Variants in UBE3D observed in about 807,000 individuals in gnomAD.
UBE3D encodes ubiquitin protein ligase E3D.
UBE3D carries 48 observed loss-of-function variants against 49.6 expected under a neutral mutation model. That is an observed-to-expected ratio of 0.97 (90% CI 0.77 to 1.23). The LOEUF is 1.23. Ranked by LOEUF, UBE3D falls within the 50% of genes most tolerant of loss-of-function variation. The pLI, the probability that UBE3D is intolerant of heterozygous loss-of-function variation, is 0.00. For synonymous variants in UBE3D, 189 were observed against 174.2 expected, an observed-to-expected ratio of 1.08 and a Z score of -0.67; for missense variants, 452 against 468.4, an observed-to-expected ratio of 0.96 and a Z score of 0.32.
chr6:82,893,535 G>T (rs1272874281), intron 9 of UBE3D, among the ~76,000 whole-genome samples: 1 of 152,106 alleles, frequency 6.6e-6, no homozygotes. Context: ...ACAGTCTTAC[G>T]AACAAACTAT....
chr6:83,038,611 G>A, intron 4 of UBE3D, 126 bp from the exon 5 acceptor site: 1 of 784,216 alleles, frequency 1.3e-6, no homozygotes. Context: ...CTAAATACTG[G>A]GAATACATTT....
intron 8 of UBE3D, chr6:83,017,710 C>T (rs187674648): frequency 3.3e-5 from 5 of 152,070 alleles, no homozygotes; most frequent in East Asian, 1.9e-4. Flanking sequence ...TTGATATTAC[C>T]TCTCAAAATT....
At chr6:82,963,197 T>TC (rs1776676806) in intron 8 of UBE3D, among the ~76,000 whole-genome samples, 1 of 151,000 alleles carries the variant, frequency 6.6e-6, no homozygotes, top group Non-Finnish European at 1.5e-5. Flanking sequence ...CATCTTTTTT[T>TC]TTTTTTTTTT....
At chr6:82,958,642 C>A (rs1340758505) in intron 8 of UBE3D, among the ~76,000 whole-genome samples, 2 of 152,170 alleles carry the variant, frequency 1.3e-5, no homozygotes, top group Admixed American at 6.5e-5. Flanking sequence ...TACTGGCCAA[C>A]TAGTTGGACT....
chr6:82,907,915 C>A (rs972577307), intron 9 of UBE3D, among the ~76,000 whole-genome samples: 1 of 152,220 alleles, frequency 6.6e-6, no homozygotes, highest in South Asian at 2.1e-4. Context: ...TTCAAAACAG[C>A]CCCCAATAGG....
Position 82,893,021 on chromosome 6 carries a change from G to T in UBE3D, c.*1C>A. ...GGGAGGAGAATGCCCAGCTCTAATA[G>T]TTACATCTTCAAAAAGGCCACCTGG... On this transcript the variant is annotated 3_prime_UTR_variant, in exon 10 of 10. Coordinates refer to ENST00000369747, the MANE Select transcript of UBE3D (RefSeq NM_198920.3). The T allele has an allele frequency of 1.2e-6, 2 of 1,613,652 alleles. No homozygotes were observed. Among genetic ancestry groups the T allele is most frequent in the Non-Finnish European group, 1.7e-6 (2 of 1,179,820 alleles).
At chr6:83,051,647 T>C (rs1783477471) in intron 3 of UBE3D, among the ~76,000 whole-genome samples, 1 of 152,182 alleles carries the variant, frequency 6.6e-6, no homozygotes, top group South Asian at 2.1e-4. Flanking sequence ...AGGAAAACAC[T>C]CTTGGTTCAA....
chr6:82,965,583 C>CAAAAAAA (rs35257086), intron 8 of UBE3D, among the ~76,000 whole-genome samples: 4 of 86,350 alleles, frequency 4.6e-5, no homozygotes, highest in Admixed American at 1.3e-4. Flanking sequence ...AACTCCATCT[C>CAAAAAAA]AAAAAAAAAA....
At chr6:82,886,816 T>C in the UBE3D span, among the ~76,000 whole-genome samples, 3 of 152,230 alleles carry the variant, frequency 2.0e-5, no homozygotes, top group East Asian at 5.8e-4. Context: ...GCTTGGCCAC[T>C]ATTTCGTTTC....
intron 9 of UBE3D, among the ~76,000 whole-genome samples, chr6:82,953,298 C>T (rs1307783645): frequency 6.6e-6 from 1 of 152,220 alleles, no homozygotes; most frequent in Non-Finnish European, 1.5e-5. Flanking sequence ...CAGAGAGTCC[C>T]ATCCTATATA....
intron 9 of UBE3D, among the ~76,000 whole-genome samples, chr6:82,925,804 CAATA>C (rs1773705658): frequency 6.6e-6 from 1 of 152,000 alleles, no homozygotes; most frequent in Admixed American, 6.6e-5. Flanking sequence ...TGAGGATTAA[CAATA>C]AATACCCCAC....
intron 5 of UBE3D, among the ~76,000 whole-genome samples, chr6:83,033,312 T>C (rs552709331): frequency 5.3e-5 from 8 of 152,304 alleles, no homozygotes; most frequent in African/African-American, 1.4e-4. Context: ...AAATTGGAGA[T>C]TACATTTTAT....
chr6:83,021,348 G>A (rs1283260199), intron 7 of UBE3D, among the ~76,000 whole-genome samples: 1 of 152,114 alleles, frequency 6.6e-6, no homozygotes, highest in Non-Finnish European at 1.5e-5. Flanking sequence ...GGCTGAGGTG[G>A]GAGGATCACT....
chr6:82,970,366 T>C (rs996209349), intron 8 of UBE3D, among the ~76,000 whole-genome samples: 2 of 151,982 alleles, frequency 1.3e-5, no homozygotes, highest in South Asian at 2.1e-4. Flanking sequence ...AAAAATTGTA[T>C]TGCTAATAAA....
downstream of UBE3D, among the ~76,000 whole-genome samples, chr6:82,891,204 G>T (rs1770972511): frequency 6.6e-6 from 1 of 152,188 alleles, no homozygotes; most frequent in Admixed American, 6.5e-5. Context: ...TTCTCAGCTG[G>T]AATTAATTTT....
Position 83,044,311 on chromosome 6 carries a change from A to T in UBE3D, c.597+117T>A, listed in dbSNP as rs1782873020. ...AACGATAGCGATGACAGTTGAAAAT[A>T]ATGAATTTTGGCCTTTACAGCAGTC... On this transcript the variant is annotated intron_variant, in intron 4 of 9. Coordinates refer to ENST00000369747, the MANE Select transcript of UBE3D (RefSeq NM_198920.3). The T allele has an allele frequency of 3.3e-6, 3 of 911,662 alleles. No individual in the cohort carries two copies. The South Asian group carries it at 5.0e-5, about 15-fold the overall frequency. 56.5% of individuals were successfully genotyped at this position (911,662 alleles called of 1,614,324 possible).
intron 8 of UBE3D, among the ~76,000 whole-genome samples, chr6:82,960,640 T>C (rs369659432): frequency 6.6e-6 from 1 of 151,702 alleles, no homozygotes; most frequent in African/African-American, 2.4e-5. Flanking sequence ...AGGAAACAAA[T>C]GCCTTACTAG....
chr6:82,895,899 A>G (rs889072961), intron 9 of UBE3D, among the ~76,000 whole-genome samples: 2 of 152,242 alleles, frequency 1.3e-5, no homozygotes, highest in Admixed American at 6.5e-5. Flanking sequence ...GCCTGCGAAT[A>G]TGAACTCAAG....
chr6:83,007,361 A>G (rs990228363), intron 8 of UBE3D, among the ~76,000 whole-genome samples: 18 of 152,324 alleles, frequency 1.2e-4, no homozygotes, highest in Admixed American at 1.2e-3. Context: ...AACCACTACC[A>G]ATACCAATAC....
Sources: allele counts gnomAD v4.1 joint callset (sites outside exome capture counted in the v4.1 genomes callset), GRCh38; gene constraint gnomAD v4.1.1; transcripts MANE v1.5; gene names NCBI Gene and HGNC (gene_info 2026-07-23, HGNC 2026-07-21).